The following ZNF804B variants were observed in gnomAD, a reference collection of about 807,000 sequenced individuals.
ZNF804B encodes the protein zinc finger 804B.
ZNF804B carries 80 observed loss-of-function variants against 101.4 expected under a neutral mutation model. The observed-to-expected ratio is 0.79, with a 90% CI of 0.66 to 0.95. The LOEUF (loss-of-function observed/expected upper bound fraction) is 0.95. Ranked by LOEUF, ZNF804B falls within the 40% of genes least tolerant of loss-of-function variation. The pLI is 0.00. For synonymous variants in ZNF804B, 622 were observed against 558.8 expected (o/e 1.11, Z -1.59); for missense variants, 1,673 against 1,561.9 (o/e 1.07, Z -1.20).
At chr7:89,202,781 C>A (rs575421232) in intron 1 of ZNF804B, among the ~76,000 whole-genome samples, 2 of 152,052 alleles carry the variant, frequency 1.3e-5, no homozygotes, top group African/African-American at 4.8e-5. Flanking sequence ...CTTGCATAAA[C>A]GTTTGACAAG....
At chr7:88,956,556 ATATCT>A (rs1311572448) in intron 1 of ZNF804B, among the ~76,000 whole-genome samples, 1 of 151,518 alleles carries the variant, frequency 6.6e-6, no homozygotes, top group East Asian at 2.0e-4. Flanking sequence ...TAAAATTATA[ATATCT>A]TAAGTGTTAG....
At chr7:88,952,415 A>G (rs1272671136) in intron 1 of ZNF804B, among the ~76,000 whole-genome samples, 1 of 151,874 alleles carries the variant, frequency 6.6e-6, no homozygotes, top group African/African-American at 2.4e-5. Context: ...ATAACTAGGA[A>G]AACCATGTTA....
Position 88,760,097 on chromosome 7 carries a change from C to T in ZNF804B, c.108+13C>T, listed in dbSNP as rs374648357. ...ATCTCCCTCTCCGGTAATGTGCGCG[C>T]GCACACACATACATACACAAACGTT... On this transcript the variant is annotated intron_variant, in intron 1 of 3. Transcript: ENST00000333190. 8 of 1,601,952 alleles carry T rather than the reference C, an allele frequency of 5.0e-6. No homozygotes were observed. The African/African-American group carries it at 5.4e-5, about 11-fold the overall frequency.
intron 1 of ZNF804B, among the ~76,000 whole-genome samples, chr7:89,082,648 C>T (rs1187333108): frequency 1.3e-5 from 2 of 151,650 alleles, no homozygotes; most frequent in Non-Finnish European, 3.0e-5. Flanking sequence ...TGGACTTATT[C>T]CTGATTTCAA....
chr7:88,805,825 T>C (rs1026807968), intron 1 of ZNF804B, among the ~76,000 whole-genome samples: 10 of 152,172 alleles, frequency 6.6e-5, no homozygotes, highest in African/African-American at 2.2e-4. Context: ...CAATGACAAG[T>C]ACCTCTTAAC....
At chr7:89,216,115 C>G (rs1788891048) in intron 1 of ZNF804B, among the ~76,000 whole-genome samples, 1 of 151,878 alleles carries the variant, frequency 6.6e-6, no homozygotes, top group South Asian at 2.1e-4. Flanking sequence ...ACCAGCCTAG[C>G]TAACATGGTG....
At chr7:89,173,010 T>C (rs748904474) in intron 1 of ZNF804B, among the ~76,000 whole-genome samples, 1 of 152,118 alleles carries the variant, frequency 6.6e-6, no homozygotes, top group Non-Finnish European at 1.5e-5. Context: ...TGAGAGACGA[T>C]AATTCAAGGC....
intron 1 of ZNF804B, among the ~76,000 whole-genome samples, chr7:89,172,653 T>A (rs369105844): frequency 1.3e-5 from 2 of 152,134 alleles, no homozygotes; most frequent in African/African-American, 2.4e-5. Flanking sequence ...AACTTGAAAA[T>A]TGAAATATAG....
Position 89,090,064 on chromosome 7 carries a change from G to A in ZNF804B, c.109-128091G>A, listed in dbSNP as rs191237035. Among the ~76,000 whole-genome samples, 551 of 152,150 alleles carry A rather than the reference G, an allele frequency of 3.6e-3. 3 individuals carry two copies. Among genetic ancestry groups the A allele is most frequent in the Middle Eastern group, 0.014 (4 of 294 alleles). On this transcript the variant is annotated intron_variant, in intron 1 of 3. Coordinates refer to ENST00000333190, the MANE Select transcript of ZNF804B (RefSeq NM_181646.5). ...ACTGTGAAACACAATAGGAAAATAA[G>A]CACAAAGGATATTCTTAGTTTCCAA... is the stretch of plus-strand genomic sequence containing the variant.
intron 1 of ZNF804B, among the ~76,000 whole-genome samples, chr7:89,078,624 C>A (rs1270051780): frequency 1.3e-5 from 2 of 149,472 alleles, no homozygotes; most frequent in Non-Finnish European, 1.5e-5. Context: ...CACAATATTG[C>A]AATTTGTCTA....
chr7:89,162,998 T>C (rs1358103488), intron 1 of ZNF804B, among the ~76,000 whole-genome samples: 2 of 151,854 alleles, frequency 1.3e-5, no homozygotes, highest in Non-Finnish European at 2.9e-5. Context: ...ACAAAGGACA[T>C]GAACTCATCA....
intron 2 of ZNF804B, among the ~76,000 whole-genome samples, chr7:89,299,440 A>G (rs1790444327): frequency 6.6e-6 from 1 of 152,098 alleles, no homozygotes; most frequent in South Asian, 2.1e-4. Context: ...GATGTTTATA[A>G]TGAAAATACT....
intron 1 of ZNF804B, among the ~76,000 whole-genome samples, chr7:88,974,255 A>T (rs968367891): frequency 7.5e-5 from 11 of 147,568 alleles, no homozygotes; most frequent in African/African-American, 2.3e-4. Flanking sequence ...TATATATGAA[A>T]ATATATCAGA....
At chr7:88,994,927 G>C (rs1793898963) in intron 1 of ZNF804B, among the ~76,000 whole-genome samples, 1 of 152,058 alleles carries the variant, frequency 6.6e-6, no homozygotes, top group African/African-American at 2.4e-5. Context: ...GTATATACCA[G>C]CTTCCGGAAT....
intron 1 of ZNF804B, among the ~76,000 whole-genome samples, chr7:89,122,705 C>G (rs1403424860): frequency 6.6e-6 from 1 of 152,076 alleles, no homozygotes; most frequent in Non-Finnish European, 1.5e-5. Context: ...CCAAGTTGTT[C>G]TACTTCCTCA....
intron 1 of ZNF804B, among the ~76,000 whole-genome samples, chr7:89,045,998 A>T (rs1399825511): frequency 6.6e-6 from 1 of 151,994 alleles, no homozygotes. Flanking sequence ...AGTTCCCATA[A>T]TCCCCAGGTT....
intron 1 of ZNF804B, among the ~76,000 whole-genome samples, chr7:88,950,662 G>GT (rs68177796): frequency 1.9e-4 from 28 of 149,546 alleles, no homozygotes; most frequent in East Asian, 7.9e-4. Context: ...TAGAAAATAT[G>GT]TTTTTTTTTT....
chr7:89,221,004 T>A (rs1402312391), intron 2 of ZNF804B, among the ~76,000 whole-genome samples: 1 of 151,816 alleles, frequency 6.6e-6, no homozygotes, highest in Non-Finnish European at 1.5e-5. Context: ...CAAGAATATA[T>A]TAGAGGGTAT....
intron 1 of ZNF804B, among the ~76,000 whole-genome samples, chr7:89,171,869 A>G (rs1244528989): frequency 6.6e-6 from 1 of 152,166 alleles, no homozygotes; most frequent in Non-Finnish European, 1.5e-5. Context: ...ATCCTGAAAG[A>G]CATTGCTGTC....
Sources: gnomAD v4.1 joint callset for allele counts (sites outside exome capture counted in the v4.1 genomes callset) on GRCh38, gnomAD v4.1.1 for gene constraint, MANE v1.5 for transcripts, NCBI Gene and HGNC (gene_info 2026-07-23, HGNC 2026-07-21) for gene names.